The following TTC28 variants were observed in gnomAD, a reference collection of about 807,000 sequenced individuals.
TTC28 encodes tetratricopeptide repeat domain 28, also known as tetratricopeptide repeat protein 28.
Under a neutral mutation model 198.0 loss-of-function variants are expected in TTC28, and 61 were observed. That is an observed-to-expected ratio of 0.31 (90% CI 0.25 to 0.38). The LOEUF is 0.38. Among genes scored for constraint, TTC28 ranks in the 10% least tolerant of loss-of-function variants. The pLI is 1.00. For missense variants in TTC28, 2,678 were observed against 3,164.0 expected, an observed-to-expected ratio of 0.85 and a Z score of 3.69; for synonymous variants, 1,171 against 1,297.8, an observed-to-expected ratio of 0.90 and a Z score of 2.10.
At position 28,590,061 on chromosome 22, in the gene TTC28, A is replaced by AAAAAAAAAC. The variant is rs1555898135; in HGVS notation, c.381+39490_381+39491insGTTTTTTTT. 9.9e-4 allele frequency among the ~76,000 whole-genome samples: 141 copies of AAAAAAAAAC among 142,336 alleles called. 1 individual carries two copies. The highest frequency in any genetic ancestry group is 1.8e-3 in the Non-Finnish European group (117 of 64,134). The allele number at this position is 142,336 out of a possible 152,430, so 93.4% of individuals were successfully genotyped here. A position where few individuals can be genotyped will look rare whatever the true frequency, so the allele number is the denominator to read the frequency against. On this transcript the variant is annotated intron_variant, in intron 2 of 22. Coordinates refer to ENST00000397906, the MANE Select transcript of TTC28 (RefSeq NM_001145418.2). ...AAAAAAAAAAAAAAAAAAAAAAAAA[A>AAAAAAAAAC]ACACAGAAAACCTGAAACTATAACT...
At chr22:28,531,371 T>C (rs552604058) in intron 2 of TTC28, among the ~76,000 whole-genome samples, 3 of 152,316 alleles carry the variant, frequency 2.0e-5, no homozygotes, top group African/African-American at 7.2e-5. Context: ...ATCCTAAATA[T>C]ATATGCACTC....
chr22:28,374,864 T>A (rs1159762202), intron 2 of TTC28, among the ~76,000 whole-genome samples: 1 of 151,754 alleles, frequency 6.6e-6, no homozygotes, highest in Non-Finnish European at 1.5e-5. Flanking sequence ...TTTTTAATAT[T>A]TTTTTTAGTA....
At chr22:28,024,761 A>AG (rs1274275202) in intron 13 of TTC28, among the ~76,000 whole-genome samples, 1 of 152,224 alleles carries the variant, frequency 6.6e-6, no homozygotes, top group Non-Finnish European at 1.5e-5. Flanking sequence ...GGGACAGGAC[A>AG]GGGGCTCCTG....
chr22:28,519,986 C>T (rs1444706825), intron 2 of TTC28, among the ~76,000 whole-genome samples: 1 of 152,132 alleles, frequency 6.6e-6, no homozygotes, highest in African/African-American at 2.4e-5. Context: ...GAGAGAGAGT[C>T]CTTTGAGTAT....
intron 1 of TTC28, among the ~76,000 whole-genome samples, chr22:28,670,107 G>A (rs915701443): frequency 1.4e-5 from 2 of 140,976 alleles, no homozygotes; most frequent in African/African-American, 5.2e-5. Flanking sequence ...ATGGGGGGGG[G>A]GCAAATAAAG....
intron 6 of TTC28, among the ~76,000 whole-genome samples, chr22:28,160,799 T>G (rs979377960): frequency 2.6e-5 from 4 of 152,216 alleles, no homozygotes; most frequent in Non-Finnish European, 5.9e-5. Flanking sequence ...TGTTAAGAAT[T>G]TTTTACAAAA....
At chr22:28,409,536 T>A (rs1235956521) in intron 2 of TTC28, among the ~76,000 whole-genome samples, 1 of 150,416 alleles carries the variant, frequency 6.6e-6, no homozygotes, top group Non-Finnish European at 1.5e-5. Context: ...TAATATATAT[T>A]ATATATACAT....
intron 5 of TTC28, among the ~76,000 whole-genome samples, chr22:28,208,917 A>C (rs1452498273): frequency 6.6e-6 from 1 of 152,166 alleles, no homozygotes; most frequent in Non-Finnish European, 1.5e-5. Flanking sequence ...ATCTCCAATC[A>C]TTCAGAAGAG....
chr22:28,143,115 T>C (rs1371173792), intron 6 of TTC28, among the ~76,000 whole-genome samples: 3 of 152,190 alleles, frequency 2.0e-5, no homozygotes, highest in Non-Finnish European at 4.4e-5. Flanking sequence ...ACTGACTTAA[T>C]GGCAGAGCTG....
intron 5 of TTC28, among the ~76,000 whole-genome samples, chr22:28,180,152 T>TA (rs1923563567): frequency 6.6e-6 from 1 of 152,198 alleles, no homozygotes; most frequent in Admixed American, 6.5e-5. Flanking sequence ...TCTTGGAGTT[T>TA]AGTCTTAAAT....
At chr22:27,994,108 C>T (rs1937507978) in intron 17 of TTC28, among the ~76,000 whole-genome samples, 1 of 152,218 alleles carries the variant, frequency 6.6e-6, no homozygotes, top group Admixed American at 6.5e-5. Context: ...GCATGAACTA[C>T]ATGAGTGAGT....
At chr22:28,245,544 A>C (rs1424824796) in intron 5 of TTC28, among the ~76,000 whole-genome samples, 1 of 152,190 alleles carries the variant, frequency 6.6e-6, no homozygotes, top group African/African-American at 2.4e-5. Flanking sequence ...GGACTCCAAA[A>C]CATCACAAAA....
intron 5 of TTC28, among the ~76,000 whole-genome samples, chr22:28,199,419 A>ATATATATATATATC (rs1925702057): frequency 8.6e-6 from 1 of 116,676 alleles, no homozygotes; most frequent in Non-Finnish European, 1.8e-5. Flanking sequence ...ATATATATAT[A>ATATATATATATATC]TATGTAACTA....
chr22:28,182,652 G>A (rs1243021478), intron 5 of TTC28, among the ~76,000 whole-genome samples: 4 of 152,294 alleles, frequency 2.6e-5, no homozygotes, highest in Middle Eastern at 3.4e-3. Context: ...AAAAAAGGTA[G>A]CTCCTAATAT....
intron 2 of TTC28, among the ~76,000 whole-genome samples, chr22:28,336,056 T>G (rs902569634): frequency 2.0e-5 from 3 of 152,238 alleles, no homozygotes; most frequent in African/African-American, 7.2e-5. Context: ...GAAGGGCTGT[T>G]GAATTTTGTC....
rs2048384840 is a variant in TTC28, at chr22:28,491,874, T to C, written c.381+137678A>G. Among the ~76,000 whole-genome samples, 4 of 152,142 alleles carry C rather than the reference T, an allele frequency of 2.6e-5. No homozygotes were observed. The South Asian group carries it at 8.3e-4, about 32-fold the overall frequency. ...TGGAACCAACCCAAATGTCCATCAA[T>C]GATAGACTGGATTAAGAAAATGTGG... On this transcript the variant is annotated intron_variant, in intron 2 of 22. Transcript: ENST00000397906.
chr22:28,545,037 C>T (rs947275040), intron 2 of TTC28, among the ~76,000 whole-genome samples: 3 of 152,132 alleles, frequency 2.0e-5, no homozygotes, highest in East Asian at 1.9e-4. Flanking sequence ...AATTTGCTTT[C>T]GCTTTACTCT....
chr22:28,379,737 C>T (rs919132369), intron 2 of TTC28, among the ~76,000 whole-genome samples: 2 of 152,094 alleles, frequency 1.3e-5, no homozygotes, highest in Non-Finnish European at 2.9e-5. Flanking sequence ...CTGAACTACA[C>T]ACTTAAAAAT....
chr22:28,628,915 A>C (rs1364545210), intron 2 of TTC28, among the ~76,000 whole-genome samples: 1 of 152,106 alleles, frequency 6.6e-6, no homozygotes, highest in South Asian at 2.1e-4. Context: ...CTCAGAAAGA[A>C]AAAAGGAAAA....
Sources: allele counts gnomAD v4.1 joint callset (sites outside exome capture counted in the v4.1 genomes callset), GRCh38; gene constraint gnomAD v4.1.1; transcripts MANE v1.5; gene names NCBI Gene and HGNC (gene_info 2026-07-23, HGNC 2026-07-21).